NRG1: variants seen among roughly 807,000 people sequenced by gnomAD.
NRG1 encodes pro-neuregulin-1, membrane-bound isoform.
NRG1 carries 18 observed loss-of-function variants against 63.8 expected under a neutral mutation model. The observed-to-expected ratio is 0.28, with a 90% CI of 0.19 to 0.42. The LOEUF (loss-of-function observed/expected upper bound fraction) is 0.42. Among genes scored for constraint, NRG1 ranks in the 10% least tolerant of loss-of-function variants. The probability of loss-of-function intolerance (pLI) is 1.00; values close to 1 mark genes in which losing one functional copy is unlikely to be tolerated. For synonymous variants in NRG1, 302 were observed against 301.3 expected, an observed-to-expected ratio of 1.00 and a Z score of -0.02; for missense variants, 762 against 814.7, an observed-to-expected ratio of 0.94 and a Z score of 0.79.
rs552915876 is a variant in NRG1, at chr8:31,648,788, G to A, written c.37+9357G>A. On this transcript the variant is annotated intron_variant, in intron 1 of 10. Coordinates refer to the NRG1 transcript ENST00000519301. ...CCATTGTATGTAAATAACACATTTT[G>A]TTTATTCATCCATCCATCCATCAGT... 2.6e-5 allele frequency among the ~76,000 whole-genome samples: 4 copies of A among 152,124 alleles called. No homozygotes were observed. In the South Asian group the frequency reaches 8.3e-4, roughly 32 times the overall value.
chr8:32,198,956 T>G (rs1466830996), intron 1 of NRG1, among the ~76,000 whole-genome samples: 1 of 152,040 alleles, frequency 6.6e-6, no homozygotes. Flanking sequence ...CTTCTATCCT[T>G]TCAATATTAT....
intron 5 of NRG1, among the ~76,000 whole-genome samples, chr8:32,717,434 A>G (rs566079543): frequency 1.3e-5 from 2 of 152,180 alleles, no homozygotes; most frequent in Non-Finnish European, 2.9e-5. Context: ...TATACATTTA[A>G]TAACACAATG....
intron 1 of NRG1, among the ~76,000 whole-genome samples, chr8:31,903,604 T>C (rs980128317): frequency 8.5e-5 from 13 of 152,170 alleles, no homozygotes; most frequent in African/African-American, 2.9e-4. Context: ...AATAACAAGA[T>C]AATATGTCAA....
intron 1 of NRG1, among the ~76,000 whole-genome samples, chr8:32,064,205 C>A (rs13255161): frequency 2.0e-5 from 3 of 151,810 alleles, no homozygotes; most frequent in African/African-American, 4.8e-5. Flanking sequence ...GAGAAGTCAT[C>A]GGCTAAGCTA....
intron 1 of NRG1, among the ~76,000 whole-genome samples, chr8:31,907,636 G>T (rs923824867): frequency 1.3e-5 from 2 of 152,114 alleles, no homozygotes; most frequent in Middle Eastern, 3.4e-3. Flanking sequence ...TTGTTTGTTT[G>T]TTTTTCCCAA....
intron 1 of NRG1, among the ~76,000 whole-genome samples, chr8:31,851,260 G>A (rs1165794215): frequency 6.6e-6 from 1 of 152,090 alleles, no homozygotes; most frequent in East Asian, 1.9e-4. Flanking sequence ...GGTGTCTTGG[G>A]AGTAGCCTTA....
chr8:31,679,414 C>T (rs1808089162), intron 1 of NRG1, among the ~76,000 whole-genome samples: 1 of 152,066 alleles, frequency 6.6e-6, no homozygotes. Flanking sequence ...TGTTTTGTCA[C>T]TGCTTTGTCT....
intron 1 of NRG1, among the ~76,000 whole-genome samples, chr8:31,812,069 A>T (rs1822940771): frequency 6.6e-6 from 1 of 152,206 alleles, no homozygotes; most frequent in African/African-American, 2.4e-5. Flanking sequence ...CATATATAAT[A>T]GCTATGAAAT....
chr8:32,165,436 A>G (rs1839297670), intron 1 of NRG1, among the ~76,000 whole-genome samples: 1 of 152,130 alleles, frequency 6.6e-6, no homozygotes, highest in African/African-American at 2.4e-5. Context: ...GAGCCACTGC[A>G]CCTGTCCTGG....
intron 5 of NRG1, among the ~76,000 whole-genome samples, chr8:32,713,170 A>T (rs1818234807): frequency 6.6e-6 from 1 of 152,190 alleles, no homozygotes; most frequent in Non-Finnish European, 1.5e-5. Flanking sequence ...AGACTTATCA[A>T]CGAAGATCCT....
chr8:32,768,639 G>T (rs1412903641), downstream of NRG1, among the ~76,000 whole-genome samples: 2 of 152,046 alleles, frequency 1.3e-5, no homozygotes, highest in Admixed American at 1.3e-4. Flanking sequence ...TAGAAATGAG[G>T]GTATTACTTT....
At chr8:31,845,038 C>T (rs940388445) in intron 1 of NRG1, among the ~76,000 whole-genome samples, 5 of 151,850 alleles carry the variant, frequency 3.3e-5, no homozygotes, top group South Asian at 4.2e-4. Flanking sequence ...ACCCGGGAGG[C>T]GGAGGTTGCA....
chr8:32,548,584 GC>G (rs1833418412), exon 1 of NRG1: 2 of 1,309,016 alleles, frequency 1.5e-6, no homozygotes, highest in African/African-American at 1.6e-5. Context: ...AACGGGAGAC[GC>G]CCCCGCGCAG....
At chr8:32,524,963 A>T (rs1830681354) in intron 1 of NRG1, among the ~76,000 whole-genome samples, 1 of 152,242 alleles carries the variant, frequency 6.6e-6, no homozygotes, top group African/African-American at 2.4e-5. Context: ...TTTAAGTAGG[A>T]AAAGCTTTTC....
intron 1 of NRG1, among the ~76,000 whole-genome samples, chr8:32,203,804 C>T (rs555211958): frequency 5.9e-5 from 9 of 152,218 alleles, no homozygotes; most frequent in African/African-American, 1.7e-4. Context: ...CACTTACATT[C>T]ATGTACCTGC....
chr8:31,820,678 T>TA (rs1563442618), intron 1 of NRG1, among the ~76,000 whole-genome samples: 4 of 152,228 alleles, frequency 2.6e-5, no homozygotes, highest in African/African-American at 9.6e-5. Context: ...CATTGGAACT[T>TA]ATCTAAACCA....
chr8:32,145,375 T>A (rs1250218028), intron 1 of NRG1, among the ~76,000 whole-genome samples: 1 of 152,054 alleles, frequency 6.6e-6, no homozygotes, highest in Non-Finnish European at 1.5e-5. Flanking sequence ...AGAGGGCACT[T>A]ATATAGACAA....
intron 1 of NRG1, among the ~76,000 whole-genome samples, chr8:32,241,153 G>A (rs1254179091): frequency 6.6e-6 from 1 of 152,142 alleles, no homozygotes; most frequent in Non-Finnish European, 1.5e-5. Context: ...GGGGTGGTGG[G>A]TGTGGTTCAA....
Position 31,934,413 on chromosome 8 carries a change from T to TCG in NRG1, c.37+294984_37+294985dup, listed in dbSNP as rs1554580252. ...CACACACATACACACACCCCTTTAT[T>TCG]CGCTCTCTTTTTTTTTTTTTTTTTT... On this transcript the variant is annotated intron_variant, in intron 1 of 10. Coordinates refer to the NRG1 transcript ENST00000519301. 4.5e-5 allele frequency among the ~76,000 whole-genome samples: 4 copies of TCG among 89,238 alleles called. No individual in the cohort carries two copies. In the Admixed American group the frequency reaches 5.7e-4, roughly 13 times the overall value. 58.5% of individuals were successfully genotyped at this position (89,238 alleles called of 152,430 possible). A position where few individuals can be genotyped will look rare whatever the true frequency, so the allele number is the denominator to read the frequency against.
Sources: allele counts gnomAD v4.1 joint callset (sites outside exome capture counted in the v4.1 genomes callset), GRCh38; gene constraint gnomAD v4.1.1; transcripts MANE v1.5; gene names NCBI Gene and HGNC (gene_info 2026-07-23, HGNC 2026-07-21).